The following MACROD2 variants were observed in gnomAD, a reference collection of about 807,000 sequenced individuals.
MACROD2 encodes the protein ADP-ribose glycohydrolase MACROD2.
A neutral mutation model predicts 70.4 loss-of-function variants in MACROD2; 36 were observed. The ratio of observed to expected loss-of-function variants is 0.51; its 90% confidence interval spans 0.39 to 0.68. The LOEUF (loss-of-function observed/expected upper bound fraction) is 0.68. Among genes scored for constraint, MACROD2 ranks in the 30% least tolerant of loss-of-function variants. The pLI, the probability that MACROD2 is intolerant of heterozygous loss-of-function variation, is 0.00. For missense variants in MACROD2, 496 were observed against 538.4 expected, an observed-to-expected ratio of 0.92 and a Z score of 0.78; for synonymous variants, 172 against 178.8, an observed-to-expected ratio of 0.96 and a Z score of 0.30.
At position 14,313,089 on chromosome 20, in the gene MACROD2, AC is replaced by A. The variant is rs746354882; in HGVS notation, c.272-180389del. Among the ~76,000 whole-genome samples the A allele has an allele frequency of 1.0e-3, 158 of 152,362 alleles. 2 individuals carry two copies. The highest frequency in any genetic ancestry group is 1.5e-3 in the Non-Finnish European group (102 of 68,030). ...TACATTAAATTTTTAAAGAGATTCT[AC>A]AGTATATTATAGAATTCTGTCTCTG... is the stretch of plus-strand genomic sequence containing the variant. On this transcript the variant is annotated intron_variant, in intron 3 of 17. Coordinates refer to ENST00000684519, the MANE Select transcript of MACROD2 (RefSeq NM_001351661.2).
At chr20:14,650,046 A>T (rs1985602269) in intron 4 of MACROD2, among the ~76,000 whole-genome samples, 1 of 152,194 alleles carries the variant, frequency 6.6e-6, no homozygotes, top group African/African-American at 2.4e-5. Flanking sequence ...TGGGAGCAGG[A>T]GGCAGAAGGG....
intron 3 of MACROD2, among the ~76,000 whole-genome samples, chr20:14,339,466 G>C (rs890671790): frequency 6.6e-6 from 1 of 152,202 alleles, no homozygotes; most frequent in Non-Finnish European, 1.5e-5. Flanking sequence ...TCAGATAGGA[G>C]TTGGTTCTGT....
chr20:15,888,369 T>C (rs1316647547), intron 10 of MACROD2, among the ~76,000 whole-genome samples: 1 of 152,200 alleles, frequency 6.6e-6, no homozygotes, highest in East Asian at 1.9e-4. Flanking sequence ...TCATTTATCC[T>C]GCTCACATGA....
intron 4 of MACROD2, among the ~76,000 whole-genome samples, chr20:14,513,175 A>C (rs2085049903): frequency 6.6e-6 from 1 of 152,278 alleles, no homozygotes; most frequent in South Asian, 2.1e-4. Flanking sequence ...ATCATTTGAC[A>C]TGAATGAGAA....
At chr20:15,837,809 C>T (rs566115165) in intron 8 of MACROD2, among the ~76,000 whole-genome samples, 1 of 152,106 alleles carries the variant, frequency 6.6e-6, no homozygotes, top group Non-Finnish European at 1.5e-5. Flanking sequence ...TGATGCTTAT[C>T]CTGTGGTTGT....
At position 14,472,760 on chromosome 20, in the gene MACROD2, A is replaced by T. The variant is rs1327670867; in HGVS notation, c.272-20719A>T. Among the ~76,000 whole-genome samples the T allele has an allele frequency of 3.9e-5, 6 of 152,294 alleles. No homozygotes were observed. In the East Asian group the frequency reaches 9.6e-4, roughly 24 times the overall value. ...TGTTAAATAGAAATTTGTCCAGGGA[A>T]TGAAGGCAGAAACACTGCTTATAGC... is the stretch of plus-strand genomic sequence containing the variant. On this transcript the variant is annotated intron_variant, in intron 3 of 17. Coordinates refer to ENST00000684519, the MANE Select transcript of MACROD2 (RefSeq NM_001351661.2).
intron 4 of MACROD2, among the ~76,000 whole-genome samples, chr20:14,605,938 T>C (rs1198222515): frequency 6.6e-6 from 1 of 152,136 alleles, no homozygotes; most frequent in East Asian, 1.9e-4. Context: ...TGTAAAATTT[T>C]TTGTGTCTAG....
intron 8 of MACROD2, among the ~76,000 whole-genome samples, chr20:15,524,029 C>T (rs867486359): frequency 4.6e-5 from 7 of 152,104 alleles, no homozygotes; most frequent in Admixed American, 6.5e-5. Context: ...GTACCTCGCC[C>T]GGGCTCACAC....
At chr20:15,756,516 G>A (rs1335912519) in intron 8 of MACROD2, among the ~76,000 whole-genome samples, 2 of 152,134 alleles carry the variant, frequency 1.3e-5, no homozygotes, top group Non-Finnish European at 2.9e-5. Context: ...AGCCACACAA[G>A]TGTACCTCTT....
chr20:14,436,094 C>G (rs757828597), intron 3 of MACROD2, among the ~76,000 whole-genome samples: 1 of 152,036 alleles, frequency 6.6e-6, no homozygotes, highest in Non-Finnish European at 1.5e-5. Flanking sequence ...CAATCTTTTC[C>G]ATTCAGTGGT....
chr20:15,957,789 C>T (rs895084199), intron 12 of MACROD2, among the ~76,000 whole-genome samples: 3 of 152,170 alleles, frequency 2.0e-5, no homozygotes, highest in Admixed American at 6.5e-5. Context: ...TGGCCATCAG[C>T]TTCACCTACC....
chr20:15,606,114 G>C (rs1280032180), intron 8 of MACROD2, among the ~76,000 whole-genome samples: 1 of 152,048 alleles, frequency 6.6e-6, no homozygotes, highest in African/African-American at 2.4e-5. Flanking sequence ...TAGTTTTTCT[G>C]TCTCTAGTCT....
At chr20:16,049,067 T>G (rs1218449947) in intron 17 of MACROD2, among the ~76,000 whole-genome samples, 1 of 152,146 alleles carries the variant, frequency 6.6e-6, no homozygotes, top group Admixed American at 6.5e-5. Context: ...ATGAGGTACT[T>G]GTATGATTCC....
intron 8 of MACROD2, among the ~76,000 whole-genome samples, chr20:15,777,488 CTT>C (rs2051742228): frequency 1.4e-5 from 2 of 145,328 alleles, no homozygotes; most frequent in African/African-American, 5.1e-5. Context: ...CAAGTTGATT[CTT>C]TTTTTTCCTT....
At chr20:14,609,394 A>T (rs1465906869) in intron 4 of MACROD2, among the ~76,000 whole-genome samples, 1 of 152,060 alleles carries the variant, frequency 6.6e-6, no homozygotes, top group Non-Finnish European at 1.5e-5. Context: ...GCTGCCACTT[A>T]CTGAGGAGGG....
At chr20:15,925,002 T>C in intron 10 of MACROD2, among the ~76,000 whole-genome samples, 1 of 151,860 alleles carries the variant, frequency 6.6e-6, no homozygotes, top group East Asian at 1.9e-4. Context: ...TCAGAGAGAG[T>C]GAGAAAGGGA....
At chr20:15,680,503 G>T (rs558133911) in intron 8 of MACROD2, among the ~76,000 whole-genome samples, 1 of 152,258 alleles carries the variant, frequency 6.6e-6, no homozygotes, top group South Asian at 2.1e-4. Context: ...AAAATTGAGA[G>T]AAAAATAAAG....
chr20:14,882,052 TG>T (rs2073616724), intron 5 of MACROD2, among the ~76,000 whole-genome samples: 1 of 152,176 alleles, frequency 6.6e-6, no homozygotes, highest in African/African-American at 2.4e-5. Context: ...TCAAGTCACA[TG>T]AACAAATCCC....
intron 7 of MACROD2, among the ~76,000 whole-genome samples, chr20:15,448,079 T>C (rs2046593703): frequency 6.6e-6 from 1 of 152,108 alleles, no homozygotes; most frequent in Non-Finnish European, 1.5e-5. Context: ...TAATGTCAAG[T>C]TGTGGAACTT....
Sources: allele counts gnomAD v4.1 joint callset (sites outside exome capture counted in the v4.1 genomes callset), GRCh38; gene constraint gnomAD v4.1.1; transcripts MANE v1.5; gene names NCBI Gene and HGNC (gene_info 2026-07-23, HGNC 2026-07-21).